Variants in FAM83D observed in about 807,000 individuals in gnomAD.
FAM83D encodes protein FAM83D.
FAM83D carries 26 observed loss-of-function variants against 25.4 expected under a neutral mutation model. That is an observed-to-expected ratio of 1.02 (90% CI 0.75 to 1.42). The LOEUF is 1.42. Ranked by LOEUF, FAM83D falls within the 40% of genes most tolerant of loss-of-function variation. The pLI is 0.00. For synonymous variants in FAM83D, 310 were observed against 318.5 expected, an observed-to-expected ratio of 0.97 and a Z score of 0.28; for missense variants, 740 against 758.1, an observed-to-expected ratio of 0.98 and a Z score of 0.28.
intron 2 of FAM83D, among the ~76,000 whole-genome samples, chr20:38,946,518 T>C (rs2085729332): frequency 6.6e-6 from 1 of 152,150 alleles, no homozygotes; most frequent in South Asian, 2.1e-4. Context: ...CATGCATGCA[T>C]ATCCAGACAG....
chr20:38,936,267 G>A (rs2085678510), intron 1 of FAM83D, among the ~76,000 whole-genome samples: 1 of 152,148 alleles, frequency 6.6e-6, no homozygotes, highest in Non-Finnish European at 1.5e-5. Flanking sequence ...GGCCTGTTGG[G>A]GCTGCACATG....
At position 38,952,022 on chromosome 20, in the gene FAM83D, C is replaced by A. The variant is rs775257879; in HGVS notation, c.1260C>A (p.Thr420=). 1 of 1,614,216 alleles carries A rather than the reference C, an allele frequency of 6.2e-7. No homozygotes were observed. The highest frequency in any genetic ancestry group is 8.5e-7 in the Non-Finnish European group (1 of 1,180,038). ...QTSITTACAG[T]QTAVITRIAS... Reference sequence around the variant, plus strand: ...GCATCACCACAGCATGTGCTGGTACCCAGACTGCAGTCATCACCAGGATAG... The same window carrying A: ...GCATCACCACAGCATGTGCTGGTACACAGACTGCAGTCATCACCAGGATAG... The change falls in exon 4 of 4, where the codon ACC becomes ACA. Residue 420 remains threonine (T), a synonymous_variant. Coordinates refer to ENST00000619850, the MANE Select transcript of FAM83D (RefSeq NM_030919.3).
intron 2 of FAM83D, among the ~76,000 whole-genome samples, chr20:38,946,378 C>G (rs923646465): frequency 2.0e-5 from 3 of 152,026 alleles, no homozygotes; most frequent in African/African-American, 7.3e-5. Context: ...ACAGAAGTTG[C>G]AAAGATTGTA....
At chr20:38,940,074 G>A (rs188658360) in intron 1 of FAM83D, among the ~76,000 whole-genome samples, 1 of 152,300 alleles carries the variant, frequency 6.6e-6, no homozygotes, top group Non-Finnish European at 1.5e-5. Context: ...TGTCAAAATA[G>A]GATGTGTAAA....
chr20:38,933,516 G>C (rs952744295), intron 1 of FAM83D, among the ~76,000 whole-genome samples: 3 of 152,210 alleles, frequency 2.0e-5, no homozygotes, highest in Non-Finnish European at 4.4e-5. Context: ...GTTCTCACTA[G>C]TGCATCATTA....
At chr20:38,936,519 T>C (rs1179111355) in intron 1 of FAM83D, among the ~76,000 whole-genome samples, 2 of 152,196 alleles carry the variant, frequency 1.3e-5, no homozygotes, top group Non-Finnish European at 2.9e-5. Context: ...CTTGAGCCCA[T>C]GCACTTCATG....
At chr20:38,946,548 G>T (rs1180769559) in intron 2 of FAM83D, among the ~76,000 whole-genome samples, 2 of 152,156 alleles carry the variant, frequency 1.3e-5, no homozygotes, top group Admixed American at 6.5e-5. Context: ...TCACCACAAA[G>T]ATCTCCCTCC....
chr20:38,947,922 C>G lies in FAM83D; in HGVS notation c.698C>G (p.Ser233Ter), dbSNP rs962583234. 3.7e-6 allele frequency: 6 copies of G among 1,614,054 alleles called. No homozygotes were observed. The African/African-American group carries it at 8.0e-5, about 22-fold the overall frequency. Residue 233 changes from serine (S) to a stop codon, truncating the protein, a stop_gained, in exon 3 of 4, where the codon TCA (serine) becomes TGA (stop). Transcript: ENST00000619850. LOFTEE classifies it high-confidence loss of function. ...ACAGGAAATATCTACTATGCAAGGT[C>G]AGGAACTAAGATTATTGGGAAGGTT... ...TITGNIYYARSGTKIIGKVHE... is the reference protein window; with the variant it reads ...TITGNIYYAR
intron 1 of FAM83D, among the ~76,000 whole-genome samples, chr20:38,932,498 T>G (rs895077220): frequency 6.6e-6 from 1 of 152,236 alleles, no homozygotes; most frequent in Non-Finnish European, 1.5e-5. Flanking sequence ...GTTTTGAACC[T>G]TTTGAGAACC....
rs1244954323 is a variant in FAM83D at position 38,951,571 on chromosome 20, G to A, written c.809G>A (p.Ser270Asn). The part of the protein sequence containing the change: ...FTWTDGKLNS[S>N]NLVILSGQVV... ...TGGACGGATGGCAAATTAAACAGCA[G>A]TAACTTGGTAATTCTGTCTGGCCAA... The change falls in exon 4 of 4, where the codon AGT becomes AAT. Residue 270 changes from serine (S) to asparagine (N), a missense_variant. By Grantham distance (46) the Ser-to-Asn change is conservative. This residue lies in a region of FAM83D where 375 missense variants were observed against 403.2 expected (regional missense o/e 0.93). Coordinates refer to ENST00000619850, the MANE Select transcript of FAM83D (RefSeq NM_030919.3). 1.2e-6 allele frequency: 2 copies of A among 1,613,908 alleles called. No individual in the cohort carries two copies. The highest frequency in any genetic ancestry group is 1.7e-4 in the Middle Eastern group (1 of 6,060).
At chr20:38,938,077 A>G (rs1049542948) in intron 1 of FAM83D, among the ~76,000 whole-genome samples, 1 of 152,204 alleles carries the variant, frequency 6.6e-6, no homozygotes, top group East Asian at 1.9e-4. Flanking sequence ...ACGCACCCTG[A>G]TGGTGTTAAG....
intron 1 of FAM83D, among the ~76,000 whole-genome samples, chr20:38,931,447 A>G (rs2085658563): frequency 6.6e-6 from 1 of 152,248 alleles, no homozygotes; most frequent in South Asian, 2.1e-4. Flanking sequence ...TACCTGGAGC[A>G]GAGGGATCTG....
chr20:38,936,440 G>C (rs1241425413), intron 1 of FAM83D, among the ~76,000 whole-genome samples: 2 of 151,940 alleles, frequency 1.3e-5, no homozygotes, highest in Non-Finnish European at 2.9e-5. Flanking sequence ...TGCCATTTAA[G>C]GGCTTTCCAT....
chr20:38,927,413 A>G (rs2085640726), intron 1 of FAM83D, among the ~76,000 whole-genome samples: 1 of 152,104 alleles, frequency 6.6e-6, no homozygotes, highest in Non-Finnish European at 1.5e-5. Context: ...TATTATTGCT[A>G]ATTACTTTCA....
chr20:38,946,284 T>G (rs185869224), intron 2 of FAM83D, among the ~76,000 whole-genome samples: 4 of 152,284 alleles, frequency 2.6e-5, no homozygotes, highest in Admixed American at 2.0e-4. Context: ...ATTACGCATT[T>G]GGTAAGAAGA....
At position 38,926,419 on chromosome 20, in the gene FAM83D, G is replaced by C; in HGVS notation, c.-24G>C. ...GGACTGCACGCCGGTTTTTGTCCGA[G>C]GGCTGTCGAGTCCGAGCGCCGCCAT... On this transcript the variant is annotated 5_prime_UTR_variant, in exon 1 of 4. Coordinates refer to ENST00000619850, the MANE Select transcript of FAM83D (RefSeq NM_030919.3). 1 of 1,597,062 alleles carries C rather than the reference G, an allele frequency of 6.3e-7. No homozygotes were observed. Among genetic ancestry groups the C allele is most frequent in the East Asian group, 2.2e-5 (1 of 44,576 alleles).
intron 1 of FAM83D, among the ~76,000 whole-genome samples, chr20:38,935,363 G>T: frequency 6.6e-6 from 1 of 152,178 alleles, no homozygotes. Context: ...TCCCTCCAGA[G>T]ATCAGTGAAA....
In FAM83D at chr20:38,942,016, G is replaced by C. The variant is rs2145804998; in HGVS notation, c.541G>C (p.Glu181Gln). ...TDIDIFRDLQ[E>Q]ICRKQGVAVY... is the part of the protein sequence containing the mutation. The stretch of plus-strand genomic sequence containing the variant: ...CATCGACATCTTCAGAGACCTGCAA[G>C]AAATATGCAGGAAACAGGGAGTTGC... Residue 181 changes from glutamate to glutamine, a missense_variant, in exon 2 of 4, where the codon GAA becomes CAA. Transcript: ENST00000619850. 2 of 1,614,232 alleles carry C rather than the reference G, an allele frequency of 1.2e-6. No homozygotes were observed. Among genetic ancestry groups the C allele is most frequent in the Non-Finnish European group, 1.7e-6 (2 of 1,180,024 alleles).
intron 2 of FAM83D, 101 bp downstream of exon 2, chr20:38,942,227 A>G (rs1276285303): frequency 7.7e-7 from 1 of 1,298,900 alleles, no homozygotes; most frequent in African/African-American, 1.5e-5. Context: ...TTTACAAGGA[A>G]GGGACTGAGG....
Sources: allele counts gnomAD v4.1 joint callset (sites outside exome capture counted in the v4.1 genomes callset), GRCh38; gene constraint gnomAD v4.1.1; regional missense constraint gnomAD v4.1.1; transcripts MANE v1.5; gene names NCBI Gene and HGNC (gene_info 2026-07-23, HGNC 2026-07-21).